The following SCLY variants were observed in gnomAD, a reference collection of about 807,000 sequenced individuals.
SCLY encodes putative selenocysteine lyase.
SCLY carries 38 observed loss-of-function variants against 50.1 expected under a neutral mutation model. That is an observed-to-expected ratio of 0.76 (90% CI 0.59 to 0.99). SCLY has a LOEUF of 0.99. Ranked by LOEUF, SCLY falls within the 50% of genes least tolerant of loss-of-function variation. The probability of loss-of-function intolerance (pLI) is 0.00; values close to 1 mark genes in which losing one functional copy is unlikely to be tolerated. For synonymous variants in SCLY, 243 were observed against 249.4 expected (o/e 0.97, Z 0.24); for missense variants, 600 against 620.0 (o/e 0.97, Z 0.34).
intron 1 of SCLY, among the ~76,000 whole-genome samples, chr2:238,064,153 T>G (rs2065046644): frequency 6.6e-6 from 1 of 152,204 alleles, no homozygotes; most frequent in Non-Finnish European, 1.5e-5. Context: ...ACTAGAGTCT[T>G]AGAAATTATG....
rs968727373 is a variant in SCLY, at chr2:238,098,678, G to A, written c.*323G>A. 4 of 95,306 alleles carry A rather than the reference G, an allele frequency of 4.2e-5. No individual in the cohort carries two copies. The highest frequency in any genetic ancestry group is 6.6e-5 in the Non-Finnish European group (4 of 60,590). The allele number at this position is 95,306 out of a possible 1,614,324, so 5.9% of individuals were successfully genotyped here. A position where few individuals can be genotyped will look rare whatever the true frequency, so the allele number is the denominator to read the frequency against. ...GCCCACATAGAACCGTCCTCCAGTG[G>A]TGAAGCGGAAACACTTAGCTTTATC... On this transcript the variant is annotated 3_prime_UTR_variant, in exon 12 of 12. Coordinates refer to ENST00000254663, the MANE Select transcript of SCLY (RefSeq NM_016510.7).
chr2:238,087,864 G>A (rs1408862201), intron 7 of SCLY, among the ~76,000 whole-genome samples: 2 of 151,804 alleles, frequency 1.3e-5, no homozygotes, highest in African/African-American at 4.8e-5. Flanking sequence ...CTGAGGCAGG[G>A]GATCAGGATC....
chr2:238,092,639 C>T (rs1367606530), intron 8 of SCLY: 1 of 152,324 alleles, frequency 6.6e-6, no homozygotes, highest in Non-Finnish European at 1.5e-5. Flanking sequence ...TCTCCGTGCT[C>T]CTGCAGCTGC....
At chr2:238,071,799 T>C (rs1162055884) in intron 4 of SCLY, among the ~76,000 whole-genome samples, 1 of 152,128 alleles carries the variant, frequency 6.6e-6, no homozygotes, top group Non-Finnish European at 1.5e-5. Context: ...AATGTAAAAA[T>C]AAGGACTTGG....
intron 7 of SCLY, among the ~76,000 whole-genome samples, chr2:238,085,220 G>T (rs2065281297): frequency 1.3e-5 from 2 of 152,118 alleles, no homozygotes; most frequent in South Asian, 4.1e-4. Context: ...GAACACCCTT[G>T]AAACAAGTGA....
intron 4 of SCLY, chr2:238,073,791 A>G (rs376911019): frequency 8.4e-5 from 39 of 465,156 alleles, no homozygotes; most frequent in African/African-American, 5.0e-4. Flanking sequence ...AGCCTACTCA[A>G]TGTGAAGATG....
rs1691316502 is a variant in SCLY, at chr2:238,098,605, A to AGAACCGTCCACATG, written c.*251_*252insAACCGTCCACATGG. 506 of 311,304 alleles carry AGAACCGTCCACATG rather than the reference A, an allele frequency of 1.6e-3. 25 individuals carry two copies. In the African/African-American group the frequency reaches 0.018, roughly 11 times the overall value. The allele number at this position is 311,304 out of a possible 1,614,324, so 19.3% of individuals were successfully genotyped here. On this transcript the variant is annotated 3_prime_UTR_variant, in exon 12 of 12. Transcript: ENST00000254663. ...ACCGCCCACATAGGACCGCCCACAT[A>AGAACCGTCCACATG]GGACCGCCCACATGGGACCGCCCAC...
chr2:238,076,722 TA>T (rs59204483), intron 4 of SCLY, among the ~76,000 whole-genome samples: 28,364 of 131,074 alleles, frequency 0.22, 3,808 homozygotes, highest in African/African-American at 0.43. Context: ...AAAAATAAAT[TA>T]AAAAAAAAAA....
chr2:238,081,523 A>C, intron 4 of SCLY, 186 bp from the exon 5 acceptor site: 1 of 712,946 alleles, frequency 1.4e-6, no homozygotes, highest in South Asian at 2.0e-5. Flanking sequence ...ACACGTTCAC[A>C]CTGAAGCACC....
rs138164882 is a variant in SCLY at position 238,061,085 on chromosome 2, G to T, written c.31G>T (p.Ala11Ser). MEAAVAPGRD[A>S]PAPAASQPSG... ...GGCGGCCGTGGCGCCGGGGAGGGAT[G>T]CGCCGGCACCCGCGGCGAGTCAGCC... Residue 11 changes from alanine to serine, a missense_variant, in exon 1 of 12, where the codon GCG becomes TCG. Transcript: ENST00000254663. 4.3e-3 allele frequency: 6,021 copies of T among 1,398,214 alleles called. 226 individuals carry two copies. The African/African-American group carries it at 0.082, about 19-fold the overall frequency. The allele number at this position is 1,398,214 out of a possible 1,614,324, so 86.6% of individuals were successfully genotyped here.
intron 4 of SCLY, among the ~76,000 whole-genome samples, chr2:238,070,501 G>A (rs538729563): frequency 2.6e-5 from 4 of 152,088 alleles, no homozygotes; most frequent in African/African-American, 9.6e-5. Flanking sequence ...CCAACATGGT[G>A]AAACCCCATC....
At chr2:238,098,132 A>C in intron 11 of SCLY, 70 bp from the exon 12 acceptor site, 1 of 1,556,174 alleles carries the variant, frequency 6.4e-7, no homozygotes, top group African/African-American at 1.3e-5. Context: ...GGAGTGGTCC[A>C]GAGCAGGGGG....
intron 4 of SCLY, among the ~76,000 whole-genome samples, chr2:238,071,437 T>A (rs1290462687): frequency 1.3e-5 from 2 of 152,074 alleles, no homozygotes; most frequent in Non-Finnish European, 2.9e-5. Flanking sequence ...CAACCCCGTC[T>A]CTACTAAAAA....
intron 2 of SCLY, among the ~76,000 whole-genome samples, chr2:238,065,660 T>TTTATTATTATTATTA (rs61131460): frequency 0.11 from 15,153 of 143,400 alleles, 961 homozygotes; most frequent in African/African-American, 0.17. Flanking sequence ...AATATTTTAT[T>TTTATTATTATTATTA]TTATTATTAT....
At chr2:238,062,728 A>G (rs887115844) in intron 1 of SCLY, among the ~76,000 whole-genome samples, 7 of 152,238 alleles carry the variant, frequency 4.6e-5, no homozygotes, top group African/African-American at 1.7e-4. Context: ...GTGATTTTGA[A>G]CAGAAAAGAT....
Position 238,082,044 on chromosome 2 carries a change from G to A in SCLY, c.613-1G>A. 1.9e-6 allele frequency: 3 copies of A among 1,611,840 alleles called. No homozygotes were observed. The highest frequency in any genetic ancestry group is 1.7e-4 in the Middle Eastern group (1 of 6,018). ...ACTCAACTGTTTCCTTTCCCCGTCAGCCTGTCCCTGAAATCAGTCAGCGCA... is the reference window on the plus strand; with the variant it reads ...ACTCAACTGTTTCCTTTCCCCGTCAACCTGTCCCTGAAATCAGTCAGCGCA... On this transcript the variant is annotated splice_acceptor_variant, in intron 5 of 11. Coordinates refer to ENST00000254663, the MANE Select transcript of SCLY (RefSeq NM_016510.7). LOFTEE classifies it high-confidence loss of function.
At chr2:238,081,859 T>C in intron 5 of SCLY, 23 bp downstream of exon 5, 1 of 1,609,440 alleles carries the variant, frequency 6.2e-7, no homozygotes, top group South Asian at 1.1e-5. Flanking sequence ...TTGTTTCTCT[T>C]TAAGGAGAGC....
rs1392764056 is a variant in SCLY at position 238,083,040 on chromosome 2, G to A, written c.778-208G>A. 3.1e-6 allele frequency: 2 copies of A among 651,808 alleles called. No homozygotes were observed. The highest frequency in any genetic ancestry group is 5.9e-6 in the Non-Finnish European group (2 of 341,494). 40.4% of individuals were successfully genotyped at this position (651,808 alleles called of 1,614,324 possible). ...CTGAGCACGAGAGTCTAGCACCTGC[G>A]CTGCCTCCTAGGTTGGGGTTCCACC... On this transcript the variant is annotated intron_variant, in intron 6 of 11. Transcript: ENST00000254663. This position sits in a 1 kb window ranked among gnomAD's most constrained non-coding sequence, Gnocchi z 4.3.
intron 1 of SCLY, among the ~76,000 whole-genome samples, chr2:238,063,547 A>G (rs2065039498): frequency 6.6e-6 from 1 of 152,164 alleles, no homozygotes; most frequent in South Asian, 2.1e-4. Flanking sequence ...GCAGAGCTGC[A>G]GGGCAGGGGG....
Sources: gnomAD v4.1 joint callset for allele counts (sites outside exome capture counted in the v4.1 genomes callset) on GRCh38, gnomAD v4.1.1 for gene constraint, Gnocchi (gnomAD v3.1) non-coding constraint, MANE v1.5 for transcripts, NCBI Gene and HGNC (gene_info 2026-07-23, HGNC 2026-07-21) for gene names.